The following AUTS2 variants were observed in gnomAD, a reference collection of about 807,000 sequenced individuals.
The protein encoded by AUTS2 is activator of transcription and developmental regulator AUTS2.
A neutral mutation model predicts 112.4 loss-of-function variants in AUTS2; 17 were observed. The ratio of observed to expected loss-of-function variants is 0.15; its 90% CI spans 0.10 to 0.23. The LOEUF (loss-of-function observed/expected upper bound fraction) is 0.23. Ranked by LOEUF, AUTS2 falls within the 10% of genes least tolerant of loss-of-function variation. The probability of loss-of-function intolerance (pLI) is 1.00; values close to 1 mark genes in which losing one functional copy is unlikely to be tolerated. For missense variants in AUTS2, 1,510 were observed against 1,701.6 expected (o/e 0.89, Z 1.98); for synonymous variants, 751 against 702.7 (o/e 1.07, Z -1.09).
chr7:70,562,031 C>CAT (rs1470215247), intron 5 of AUTS2, among the ~76,000 whole-genome samples: 3 of 152,138 alleles, frequency 2.0e-5, no homozygotes, highest in Non-Finnish European at 4.4e-5. Context: ...TTAAAAAAGC[C>CAT]TGGCACTTCT....
chr7:70,639,741 G>A (rs1380659796), intron 5 of AUTS2, among the ~76,000 whole-genome samples: 1 of 150,344 alleles, frequency 6.7e-6, no homozygotes, highest in Non-Finnish European at 1.5e-5. Context: ...TTCCCTATTG[G>A]AAACCAGAAG....
chr7:70,414,891 T>A (rs779753873), intron 4 of AUTS2, among the ~76,000 whole-genome samples: 1 of 152,190 alleles, frequency 6.6e-6, no homozygotes, highest in Non-Finnish European at 1.5e-5. Flanking sequence ...CTGATTTCTT[T>A]ACAGCCTGGA....
At chr7:69,651,113 G>A (rs978870692) in intron 1 of AUTS2, among the ~76,000 whole-genome samples, 1 of 152,226 alleles carries the variant, frequency 6.6e-6, no homozygotes, top group East Asian at 1.9e-4. Context: ...GTGAGGAGTT[G>A]GAGGCTGTGT....
chr7:70,044,371 T>C (rs1296067653), intron 2 of AUTS2, among the ~76,000 whole-genome samples: 9 of 152,238 alleles, frequency 5.9e-5, no homozygotes, highest in African/African-American at 2.2e-4. Flanking sequence ...TTGTTCTTTT[T>C]CCCTGGAAAT....
intron 2 of AUTS2, among the ~76,000 whole-genome samples, chr7:69,901,519 A>C (rs1223620226): frequency 6.6e-6 from 1 of 152,192 alleles, no homozygotes; most frequent in African/African-American, 2.4e-5. Flanking sequence ...CTTAAATTTG[A>C]GTAGCTTTTG....
At chr7:70,781,557 A>T in intron 14 of AUTS2, 58 bp from the exon 15 acceptor site, 2 of 1,587,812 alleles carry the variant, frequency 1.3e-6, no homozygotes, top group Middle Eastern at 1.7e-4. Context: ...GCTCTTCACT[A>T]ACACCTTTAT....
intron 4 of AUTS2, among the ~76,000 whole-genome samples, chr7:70,280,669 G>A (rs1468073511): frequency 6.6e-6 from 1 of 151,992 alleles, no homozygotes; most frequent in African/African-American, 2.4e-5. Flanking sequence ...ACACTTGGAG[G>A]TCTGAACAGT....
intron 1 of AUTS2, among the ~76,000 whole-genome samples, chr7:69,770,805 C>T (rs551104795): frequency 2.4e-4 from 37 of 152,044 alleles, no homozygotes; most frequent in African/African-American, 8.4e-4. Context: ...TTTTTTTCCC[C>T]CCTCACCTCA....
intron 4 of AUTS2, among the ~76,000 whole-genome samples, chr7:70,183,829 TTTTC>T (rs1290102739): frequency 7.2e-6 from 1 of 138,954 alleles, no homozygotes; most frequent in East Asian, 2.3e-4. Flanking sequence ...TTTTCTGTCT[TTTTC>T]TTTTTTTTTT....
At chr7:70,062,285 C>T (rs533510541) in intron 2 of AUTS2, among the ~76,000 whole-genome samples, 59 of 151,642 alleles carry the variant, frequency 3.9e-4, no homozygotes, top group East Asian at 7.9e-4. Flanking sequence ...CCAAGGAGGG[C>T]GGATCACGAG....
chr7:69,625,177 T>C (rs1793885735), intron 1 of AUTS2, among the ~76,000 whole-genome samples: 1 of 152,190 alleles, frequency 6.6e-6, no homozygotes, highest in African/African-American at 2.4e-5. Flanking sequence ...CTTCAATTCT[T>C]AGCAGAAGCG....
chr7:70,298,219 A>C (rs748588410), intron 4 of AUTS2, among the ~76,000 whole-genome samples: 4 of 151,988 alleles, frequency 2.6e-5, no homozygotes, highest in Non-Finnish European at 5.9e-5. Context: ...TTTAGTAGAG[A>C]TGGGGTTTCA....
chr7:70,647,942 A>G (rs897494606), intron 5 of AUTS2, among the ~76,000 whole-genome samples: 9 of 152,174 alleles, frequency 5.9e-5, no homozygotes, highest in Non-Finnish European at 1.2e-4. Flanking sequence ...TGACCTACCA[A>G]GAGTATCCAT....
At chr7:70,315,260 C>T (rs541456318) in intron 4 of AUTS2, among the ~76,000 whole-genome samples, 11 of 152,258 alleles carry the variant, frequency 7.2e-5, no homozygotes, top group South Asian at 2.1e-4. Context: ...TCTCTTTCTC[C>T]TTAAATATTC....
chr7:70,412,499 C>A (rs1585115745), intron 4 of AUTS2, among the ~76,000 whole-genome samples: 1 of 152,162 alleles, frequency 6.6e-6, no homozygotes, highest in African/African-American at 2.4e-5. Context: ...CATAATGAAG[C>A]TGTTAACCTA....
Position 69,711,601 on chromosome 7 carries a change from C to G in AUTS2, c.309+111639C>G, listed in dbSNP as rs1384540725. On this transcript the variant is annotated intron_variant, in intron 1 of 18. Transcript: ENST00000342771. ...TGGGTCTGAGGACATTTGCTTGTTT[C>G]CTTTAAATCAATTTATACAAGCACT... 2.0e-5 allele frequency among the ~76,000 whole-genome samples: 3 copies of G among 152,102 alleles called. No individual in the cohort carries two copies. The East Asian group carries it at 5.8e-4, about 29-fold the overall frequency.
At chr7:69,639,868 C>A (rs1794724539) in intron 1 of AUTS2, among the ~76,000 whole-genome samples, 3 of 152,186 alleles carry the variant, frequency 2.0e-5, no homozygotes, top group African/African-American at 7.2e-5. Flanking sequence ...TTGGAGAAGA[C>A]CCAGGTGGCG....
intron 4 of AUTS2, among the ~76,000 whole-genome samples, chr7:70,281,279 A>G (rs1015641151): frequency 6.6e-6 from 1 of 152,190 alleles, no homozygotes; most frequent in East Asian, 1.9e-4. Context: ...TGGCAGCCTC[A>G]TCTATGCTGT....
At chr7:70,145,504 G>A (rs984566346) in intron 4 of AUTS2, among the ~76,000 whole-genome samples, 11 of 152,012 alleles carry the variant, frequency 7.2e-5, no homozygotes, top group African/African-American at 2.4e-4. Context: ...AAAAATAGAG[G>A]AAAGGATATG....
Sources: gnomAD v4.1 joint callset for allele counts (sites outside exome capture counted in the v4.1 genomes callset) on GRCh38, gnomAD v4.1.1 for gene constraint, MANE v1.5 for transcripts, NCBI Gene and HGNC (gene_info 2026-07-23, HGNC 2026-07-21) for gene names.